Variants in CRHR2 observed in about 807,000 individuals in gnomAD.
The protein encoded by CRHR2 is corticotropin releasing hormone receptor 2.
CRHR2 carries 53 observed loss-of-function variants against 57.9 expected under a neutral mutation model. The ratio of observed to expected loss-of-function variants is 0.92; its 90% CI spans 0.73 to 1.15. The LOEUF is 1.15. CRHR2 is among the 50% of genes most tolerant of loss of function. The probability of loss-of-function intolerance (pLI) is 0.00; values close to 1 mark genes in which losing one functional copy is unlikely to be tolerated. For synonymous variants in CRHR2, 213 were observed against 220.9 expected, an observed-to-expected ratio of 0.96 and a Z score of 0.32; for missense variants, 532 against 542.6, an observed-to-expected ratio of 0.98 and a Z score of 0.19.
At chr7:30,695,358 T>C (rs1221968819) in intron 1 of CRHR2, among the ~76,000 whole-genome samples, 1 of 152,034 alleles carries the variant, frequency 6.6e-6, no homozygotes, top group Non-Finnish European at 1.5e-5. Context: ...CTCGGCCAAG[T>C]TCGTCTTCCT....
chr7:30,693,503 T>C (rs59954916), intron 1 of CRHR2, among the ~76,000 whole-genome samples: 7,460 of 152,334 alleles, frequency 0.049, 573 homozygotes, highest in African/African-American at 0.17. Flanking sequence ...GCTTGGCCTG[T>C]GTGCCTCTCC....
At chr7:30,672,931 A>G (rs1170885312) in intron 2 of CRHR2, among the ~76,000 whole-genome samples, 1 of 152,226 alleles carries the variant, frequency 6.6e-6, no homozygotes, top group Non-Finnish European at 1.5e-5. Flanking sequence ...CCCTTGGGAC[A>G]CGCTTCCTCA....
chr7:30,677,448 C>T (rs150789112), intron 2 of CRHR2, among the ~76,000 whole-genome samples: 1 of 152,278 alleles, frequency 6.6e-6, no homozygotes, highest in Non-Finnish European at 1.5e-5. Context: ...TCCTTTCGGC[C>T]TACAGACAGG....
chr7:30,670,271 T>G (rs543548691), intron 2 of CRHR2, among the ~76,000 whole-genome samples: 1 of 152,346 alleles, frequency 6.6e-6, no homozygotes, highest in East Asian at 1.9e-4. Flanking sequence ...ATCCATAGTT[T>G]GAAAAATACA....
At chr7:30,654,847 G>A in intron 11 of CRHR2, 192 bp downstream of exon 11, 1 of 1,545,430 alleles carries the variant, frequency 6.5e-7, no homozygotes, top group South Asian at 1.2e-5. Context: ...TTATTTCGGG[G>A]CTGCATAGTT....
At position 30,682,294 on chromosome 7, in the gene CRHR2, C is replaced by T; in HGVS notation, c.-14G>A. The T allele has an allele frequency of 1.9e-6, 3 of 1,552,068 alleles. No individual in the cohort carries two copies. The highest frequency in any genetic ancestry group is 2.6e-6 in the Non-Finnish European group (3 of 1,156,716). On this transcript the variant is annotated 5_prime_UTR_variant, in exon 1 of 12. Coordinates refer to ENST00000471646, the MANE Select transcript of CRHR2 (RefSeq NM_001883.5). Reference sequence around the variant, plus strand: ...TGCCGCGTCCATCGCGTCCCGCAGCCGCGTGCGGAGAGGGAGTGGGAGTGC... The same window carrying T: ...TGCCGCGTCCATCGCGTCCCGCAGCTGCGTGCGGAGAGGGAGTGGGAGTGC...
At chr7:30,699,909 G>C in intron 1 of CRHR2, 7 of 1,414,742 alleles carry the variant, frequency 4.9e-6, no homozygotes, top group Non-Finnish European at 6.6e-6. Context: ...TGCTCCTGGC[G>C]CCCCACCTCG....
At chr7:30,685,827 A>T (rs1784845249), upstream of CRHR2, among the ~76,000 whole-genome samples, 1 of 152,196 alleles carries the variant, frequency 6.6e-6, no homozygotes, top group Non-Finnish European at 1.5e-5. Context: ...CTCATGGCAG[A>T]TAAAACGATG....
At chr7:30,682,127 C>A in intron 1 of CRHR2, 51 bp downstream of exon 1, 2 of 1,534,256 alleles carry the variant, frequency 1.3e-6, no homozygotes, top group Non-Finnish European at 1.7e-6. Flanking sequence ...GCGCACCCAG[C>A]GCGCGAGAGA....
At chr7:30,660,835 A>C (rs1244129109) in intron 7 of CRHR2, among the ~76,000 whole-genome samples, 190 bp from the exon 8 acceptor site, 2 of 152,220 alleles carry the variant, frequency 1.3e-5, no homozygotes, top group African/African-American at 4.8e-5. Context: ...CTTTTGCTCT[A>C]CATGGTGGGT....
chr7:30,665,263 A>C lies in CRHR2; in HGVS notation c.426-76T>G, dbSNP rs1001020875. On this transcript the variant is annotated intron_variant, in intron 4 of 11. Transcript: ENST00000471646. The surrounding 1 kb of genome is among the most constrained non-coding windows in gnomAD (Gnocchi z 4.5). ...CTGGGTTCCCCCTGAGGCCAGGTAG[A>C]GACTCAGCCTGGGATGAGGGCAGGG... 7.3e-5 allele frequency: 95 copies of C among 1,293,520 alleles called. No individual in the cohort carries two copies. The South Asian group carries it at 1.1e-3, about 15-fold the overall frequency. 80.1% of individuals were successfully genotyped at this position (1,293,520 alleles called of 1,614,324 possible).
chr7:30,672,984 C>T (rs1784412013), intron 2 of CRHR2, among the ~76,000 whole-genome samples: 1 of 152,208 alleles, frequency 6.6e-6, no homozygotes, highest in Non-Finnish European at 1.5e-5. Flanking sequence ...GACAGACTCT[C>T]CCTGTGACCC....
chr7:30,697,910 AAC>A (rs1785089393), intron 1 of CRHR2: 1 of 152,338 alleles, frequency 6.6e-6, no homozygotes, highest in South Asian at 2.1e-4. Context: ...GGAACTTGTA[AAC>A]ACAGACTCCT....
rs907645273 is a variant in CRHR2, at chr7:30,682,365, G to T, written c.-85C>A. The T allele has an allele frequency of 2.1e-6, 3 of 1,418,288 alleles. No individual in the cohort carries two copies. The highest frequency in any genetic ancestry group is 3.0e-5 in the African/African-American group (2 of 66,760). 87.9% of individuals were successfully genotyped at this position (1,418,288 alleles called of 1,614,324 possible). ...GGAGTGGACGCGAGAGTGAGCGGCC[G>T]AGAGGGCGCGGGGTCCTGGCCCCCG... On this transcript the variant is annotated 5_prime_UTR_variant, in exon 1 of 12. Transcript: ENST00000471646.
chr7:30,662,617 T>C, intron 6 of CRHR2, 77 bp downstream of exon 6: 1 of 1,551,970 alleles, frequency 6.4e-7, no homozygotes, highest in Non-Finnish European at 8.7e-7. Context: ...CTCTGGTCCT[T>C]GGACCCAAGA....
At chr7:30,654,697 C>A (rs1421285961) in intron 11 of CRHR2, 7 of 1,536,154 alleles carry the variant, frequency 4.6e-6, no homozygotes, top group Non-Finnish European at 6.1e-6. Context: ...TCCATACAGA[C>A]CTGATTGCTT....
At chr7:30,670,270 T>G (rs1204201643) in intron 2 of CRHR2, among the ~76,000 whole-genome samples, 1 of 152,210 alleles carries the variant, frequency 6.6e-6, no homozygotes, top group African/African-American at 2.4e-5. Context: ...AATCCATAGT[T>G]TGAAAAATAC....
chr7:30,677,445 G>A (rs62446875), intron 2 of CRHR2, among the ~76,000 whole-genome samples: 12,438 of 152,098 alleles, frequency 0.082, 573 homozygotes, highest in Admixed American at 0.12. Context: ...ACTTCCTTTC[G>A]GCCTACAGAC....
chr7:30,686,693 C>T (rs1011049634), upstream of CRHR2: 1 of 533,498 alleles, frequency 1.9e-6, no homozygotes, highest in South Asian at 2.0e-5. Context: ...AATAATATGC[C>T]TCATAATATA....
Sources: gnomAD v4.1 joint callset for allele counts (sites outside exome capture counted in the v4.1 genomes callset) on GRCh38, gnomAD v4.1.1 for gene constraint, Gnocchi (gnomAD v3.1) non-coding constraint, MANE v1.5 for transcripts, NCBI Gene and HGNC (gene_info 2026-07-23, HGNC 2026-07-21) for gene names.